Variants in MACF1 observed in about 807,000 individuals in gnomAD.
MACF1 encodes microtubule-actin cross-linking factor 1.
Under a neutral mutation model 854.8 loss-of-function variants are expected in MACF1, and 193 were observed. The observed-to-expected ratio is 0.23, with a 90% confidence interval of 0.20 to 0.25. The LOEUF is 0.25. Ranked by LOEUF, MACF1 falls within the 10% of genes least tolerant of loss-of-function variation. The pLI is 1.00. For synonymous variants in MACF1, 3,185 were observed against 3,226.7 expected (o/e 0.99, Z 0.44); for missense variants, 7,722 against 8,929.1 (o/e 0.86, Z 5.45).
intron 72 of MACF1, among the ~76,000 whole-genome samples, chr1:39,440,111 C>CTTTTCTTTTCTTTTCT (rs1553414036): frequency 6.0e-4 from 39 of 64,506 alleles, no homozygotes; most frequent in African/African-American, 2.5e-3. Context: ...CTTTTCTTTT[C>CTTTTCTTTTCTTTTCT]TTTTTTTTTT....
chr1:39,356,499 A>G (rs1258454263), intron 44 of MACF1, among the ~76,000 whole-genome samples: 1 of 152,078 alleles, frequency 6.6e-6, no homozygotes, highest in African/African-American at 2.4e-5. Context: ...CAGCCTCCCA[A>G]GTAGCTGGGA....
chr1:39,413,042 T>C (rs553896360), intron 58 of MACF1: 5 of 1,591,054 alleles, frequency 3.1e-6, no homozygotes, highest in Non-Finnish European at 4.3e-6. Context: ...GTTGCTGCAG[T>C]GTCCTCCCCA....
chr1:39,475,409 C>T (rs977203223), intron 97 of MACF1, among the ~76,000 whole-genome samples: 1 of 145,828 alleles, frequency 6.9e-6, no homozygotes, highest in Non-Finnish European at 1.5e-5. Context: ...GTCAAGGCTA[C>T]AGTGAGCCAT....
chr1:39,469,445 G>A, intron 96 of MACF1, 102 bp from the exon 97 acceptor site: 1 of 803,690 alleles, frequency 1.2e-6, no homozygotes, highest in Non-Finnish European at 2.1e-6. Flanking sequence ...GCATGTGGGT[G>A]CACAGGAGGC....
rs144336836 is a variant in MACF1 at position 39,168,028 on chromosome 1, G to A, written c.221-63154G>A. On this transcript the variant is annotated intron_variant, in intron 2 of 93. Transcript: ENST00000361689. ...TTGTGTTTGGGTTGGTATTTCCTGG[G>A]ACTGGTCAGGTGATGCACTTCAGCA... Among the ~76,000 whole-genome samples the A allele has an allele frequency of 2.6e-4, 39 of 152,270 alleles. 1 individual carries two copies. In the East Asian group the frequency reaches 7.5e-3, roughly 29 times the overall value.
chr1:39,092,146 C>T (rs1403293967), intron 2 of MACF1, among the ~76,000 whole-genome samples: 1 of 152,096 alleles, frequency 6.6e-6, no homozygotes, highest in East Asian at 1.9e-4. Flanking sequence ...GCCAGGACAA[C>T]CTGAAGAGAC....
Position 39,336,578 on chromosome 1 carries a change from A to G in MACF1, c.9990A>G (p.Glu3330=). ...AGCTCAGAGAAAGCCCTGGCAGTGA[A>G]CAAACTCCCTTCATGACTGCACCTG... The part of the protein sequence containing the change: ...QEKLRESPGS[E]QTPFMTAPEG... The change falls in exon 37 of 101, where the codon GAA becomes GAG. Residue 3330 remains glutamate (E), a synonymous_variant. Transcript: ENST00000564288. 6.2e-7 allele frequency: 1 copy of G among 1,614,188 alleles called. No individual in the cohort carries two copies. Among genetic ancestry groups the G allele is most frequent in the East Asian group, 2.2e-5 (1 of 44,888 alleles).
chr1:39,423,955 G>GT (rs999880868), intron 60 of MACF1, 73 bp from the exon 61 acceptor site: 236 of 1,367,754 alleles, frequency 1.7e-4, no homozygotes, highest in South Asian at 8.7e-4. Flanking sequence ...GGTTTCTTTT[G>GT]TTTTTTTTCT....
Position 39,361,647 on chromosome 1 carries a change from A to T in MACF1, c.12741A>T (p.Gln4247His). ...RMLASGNQPD[Q>H]DITHFFQQIQ... Reference sequence around the variant, plus strand: ...TGGCCTCTGGAAATCAGCCAGATCAAGATATTACACATTTCTTCCAACAGA... The same window carrying T: ...TGGCCTCTGGAAATCAGCCAGATCATGATATTACACATTTCTTCCAACAGA... Residue 4247 changes from glutamine to histidine, a missense_variant, in exon 49 of 101, where the codon CAA becomes CAT. Physicochemically the swap from Gln to His is conservative, Grantham distance 24. Around this residue, in one of 15 missense-constraint regions of MACF1, gnomAD observed 2,807 missense variants for 3,235.8 expected, o/e 0.87. Coordinates refer to ENST00000564288, the MANE Select transcript of MACF1 (RefSeq NM_001394062.1). 6.2e-7 allele frequency: 1 copy of T among 1,614,216 alleles called. No homozygotes were observed. The highest frequency in any genetic ancestry group is 1.1e-5 in the South Asian group (1 of 91,082).
At chr1:39,287,215 A>G (rs1645662369) in intron 14 of MACF1, 71 bp from the exon 15 acceptor site, 2 of 1,459,468 alleles carry the variant, frequency 1.4e-6, no homozygotes, top group South Asian at 2.6e-5. Context: ...CAAATGGATA[A>G]GGAAGATTTT....
rs570714685 is a variant in MACF1, at chr1:39,465,953, C to T, written c.21771+841C>T. 4.6e-5 allele frequency among the ~76,000 whole-genome samples: 7 copies of T among 152,230 alleles called. No individual in the cohort carries two copies. In the East Asian group the frequency reaches 1.2e-3, roughly 25 times the overall value. On this transcript the variant is annotated intron_variant, in intron 95 of 100. Transcript: ENST00000564288. ...AAAAACATCATTGCTTGAGAGTGTC[C>T]AATATGCCTATTTGCTAATGACTGT...
intron 2 of MACF1, chr1:39,102,557 C>T: frequency 1.7e-6 from 1 of 595,380 alleles, no homozygotes; most frequent in Non-Finnish European, 3.0e-6. Context: ...TTGGATGGCC[C>T]TGAGGCGAGA....
intron 97 of MACF1, among the ~76,000 whole-genome samples, chr1:39,478,052 G>C (rs1644944093): frequency 6.9e-6 from 1 of 144,876 alleles, no homozygotes; most frequent in Non-Finnish European, 1.5e-5. Flanking sequence ...ACCCAGGCTG[G>C]AGTGCAGTGG....
At chr1:39,138,072 CAAAAA>C (rs1213606775) in intron 2 of MACF1, among the ~76,000 whole-genome samples, 1 of 50,326 alleles carries the variant, frequency 2.0e-5, no homozygotes, top group African/African-American at 7.1e-5. Context: ...GACTCCATCT[CAAAAA>C]AAAAAAAAAA....
intron 6 of MACF1, among the ~76,000 whole-genome samples, chr1:39,269,915 G>T (rs1645283853): frequency 1.3e-5 from 2 of 152,194 alleles, no homozygotes; most frequent in African/African-American, 4.8e-5. Flanking sequence ...ACCAAGACTT[G>T]TCTCTGGGGA....
intron 2 of MACF1, among the ~76,000 whole-genome samples, chr1:39,172,244 GT>G (rs1398501430): frequency 6.6e-6 from 1 of 152,150 alleles, no homozygotes; most frequent in East Asian, 1.9e-4. Flanking sequence ...GCAGGGAAAA[GT>G]TTTTTTTCCC....
chr1:39,094,871 A>C (rs901299533), intron 2 of MACF1, among the ~76,000 whole-genome samples: 4 of 152,182 alleles, frequency 2.6e-5, no homozygotes, highest in African/African-American at 9.7e-5. Flanking sequence ...ACCCTGGGCT[A>C]CAGAGTGAGA....
chr1:39,298,701 C>A (rs946661881), intron 21 of MACF1: 1 of 409,594 alleles, frequency 2.4e-6, no homozygotes, highest in Non-Finnish European at 4.8e-6. Context: ...TTCACCTGGG[C>A]AAATAATCTG....
At chr1:39,430,989 A>G (rs1570048827) in intron 66 of MACF1, 81 bp downstream of exon 66, 5 of 1,237,328 alleles carry the variant, frequency 4.0e-6, no homozygotes, top group Middle Eastern at 5.3e-4. Context: ...ACATAAATAC[A>G]GACTCAGAAA....
Sources: allele counts gnomAD v4.1 joint callset (sites outside exome capture counted in the v4.1 genomes callset), GRCh38; gene constraint gnomAD v4.1.1; regional missense constraint gnomAD v4.1.1; transcripts MANE v1.5; gene names NCBI Gene and HGNC (gene_info 2026-07-23, HGNC 2026-07-21).